Variants in DPP6 observed in about 807,000 individuals in gnomAD.
The protein encoded by DPP6 is A-type potassium channel modulatory protein DPP6.
DPP6 carries 69 observed loss-of-function variants against 122.6 expected under a neutral mutation model. The observed-to-expected ratio is 0.56, with a 90% CI of 0.46 to 0.69. The LOEUF (loss-of-function observed/expected upper bound fraction) is 0.69, where lower values mean the gene tolerates loss of function less well. DPP6 is among the 30% of genes least tolerant of loss of function. DPP6 has a pLI of 0.00. For missense variants in DPP6, 928 were observed against 1,116.9 expected (o/e 0.83, Z 2.41); for synonymous variants, 418 against 433.1 (o/e 0.97, Z 0.43).
chr7:153,986,331 AT>A (rs947230928), intron 1 of DPP6, among the ~76,000 whole-genome samples: 6 of 151,708 alleles, frequency 4.0e-5, no homozygotes, highest in African/African-American at 9.7e-5. Context: ...CTATCTTTCT[AT>A]TTTTTTTATG....
chr7:154,173,385 C>G lies in DPP6; in HGVS notation c.243+120322C>G, dbSNP rs918601314. On this transcript the variant is annotated intron_variant, in intron 1 of 25. Coordinates refer to ENST00000377770, the MANE Select transcript of DPP6 (RefSeq NM_130797.4). ...TAAAGGAAACAGTTTCGTGTAAGCC[C>G]TGGCTCCTCCCTCAGGGGCAGCTGG... Among the ~76,000 whole-genome samples the G allele has an allele frequency of 3.9e-5, 6 of 152,176 alleles. 1 individual carries two copies. Among genetic ancestry groups the G allele is most frequent in the African/African-American group, 1.2e-4 (5 of 41,432 alleles).
intron 1 of DPP6, among the ~76,000 whole-genome samples, chr7:154,358,997 C>T (rs1004326144): frequency 2.0e-5 from 3 of 152,130 alleles, no homozygotes; most frequent in Admixed American, 1.3e-4. Context: ...TGAGACACTG[C>T]GCCTGGCCAA....
chr7:154,063,242 C>T lies in DPP6; in HGVS notation c.243+10179C>T, dbSNP rs561353288. On this transcript the variant is annotated intron_variant, in intron 1 of 25. Transcript: ENST00000377770. ...GCGAGGCAGGGACTGAGAGCCAGCC[C>T]CTATTCCCCCACTGGCTCTTAGGAC... 2.1e-3 allele frequency among the ~76,000 whole-genome samples: 284 copies of T among 136,098 alleles called. 27 individuals carry two copies. The highest frequency in any genetic ancestry group is 6.0e-3 in the South Asian group (23 of 3,810). The allele number at this position is 136,098 out of a possible 152,430, so 89.3% of individuals were successfully genotyped here. A position where few individuals can be genotyped will look rare whatever the true frequency, so the allele number is the denominator to read the frequency against.
At chr7:154,872,749 C>A in intron 19 of DPP6, 56 bp downstream of exon 19, 2 of 1,557,862 alleles carry the variant, frequency 1.3e-6, no homozygotes, top group Non-Finnish European at 1.7e-6. Flanking sequence ...TCCGTGACAC[C>A]CATGATAAAG....
intron 1 of DPP6, among the ~76,000 whole-genome samples, chr7:154,440,177 G>A (rs534128611): frequency 6.6e-6 from 1 of 152,260 alleles, no homozygotes; most frequent in African/African-American, 2.4e-5. Flanking sequence ...GGGGAAGGTG[G>A]GATGACATCG....
chr7:154,262,435 C>T (rs868401266), intron 1 of DPP6, among the ~76,000 whole-genome samples: 1 of 152,066 alleles, frequency 6.6e-6, no homozygotes, highest in Non-Finnish European at 1.5e-5. Context: ...TGCACTGCCA[C>T]AGAGAAAAGA....
chr7:154,822,151 C>T (rs554156944), intron 16 of DPP6, among the ~76,000 whole-genome samples: 2 of 152,272 alleles, frequency 1.3e-5, no homozygotes, highest in South Asian at 2.1e-4. Context: ...TTTACAAATG[C>T]TGAGCTCCCA....
At chr7:154,650,658 A>T (rs1241124014) in intron 6 of DPP6, among the ~76,000 whole-genome samples, 3 of 152,182 alleles carry the variant, frequency 2.0e-5, no homozygotes, top group Non-Finnish European at 4.4e-5. Context: ...CAGCTCAGTC[A>T]CAGCACAGCG....
intron 1 of DPP6, among the ~76,000 whole-genome samples, chr7:154,194,044 G>T (rs1045060305): frequency 1.3e-5 from 2 of 152,150 alleles, no homozygotes; most frequent in Non-Finnish European, 2.9e-5. Flanking sequence ...TGGGTGACTC[G>T]TCAGAGAAGC....
At chr7:153,996,241 G>A (rs1047893056) in intron 1 of DPP6, among the ~76,000 whole-genome samples, 6 of 152,166 alleles carry the variant, frequency 3.9e-5, no homozygotes, top group African/African-American at 1.4e-4. Flanking sequence ...ATTTCACGTA[G>A]TATTGGCTTG....
chr7:154,132,992 C>A (rs1284092926), intron 1 of DPP6, among the ~76,000 whole-genome samples: 1 of 151,922 alleles, frequency 6.6e-6, no homozygotes, highest in African/African-American at 2.4e-5. Context: ...CCACTCCTTC[C>A]TTTGTGTTCT....
At chr7:154,281,019 A>C (rs951301281) in intron 1 of DPP6, among the ~76,000 whole-genome samples, 24 of 122,304 alleles carry the variant, frequency 2.0e-4, no homozygotes, top group African/African-American at 6.4e-4. Flanking sequence ...TTATTTATTT[A>C]TTTATTTTTT....
At chr7:153,868,487 C>T in the DPP6 span, among the ~76,000 whole-genome samples, 1 of 152,096 alleles carries the variant, frequency 6.6e-6, no homozygotes, top group African/African-American at 2.4e-5. Flanking sequence ...TCTGTGGGAT[C>T]GGTGGTGATA....
intron 17 of DPP6, among the ~76,000 whole-genome samples, chr7:154,861,561 G>A (rs1194702159): frequency 2.6e-5 from 4 of 152,064 alleles, no homozygotes; most frequent in Non-Finnish European, 4.4e-5. Context: ...TATTTTAAAG[G>A]TCTTTTCTTT....
Position 154,462,732 on chromosome 7 carries a change from G to A in DPP6, c.359-12207G>A, listed in dbSNP as rs935433217. Among the ~76,000 whole-genome samples the A allele has an allele frequency of 3.9e-5, 6 of 151,906 alleles. No homozygotes were observed. In the East Asian group the frequency reaches 1.2e-3, roughly 29 times the overall value. Reference sequence around the variant, plus strand: ...TGTTACATATGTATACATGTGCCATGCTGGTGTGTTGCACCCATCAACCCG... The same window carrying A: ...TGTTACATATGTATACATGTGCCATACTGGTGTGTTGCACCCATCAACCCG... On this transcript the variant is annotated intron_variant, in intron 2 of 25. Transcript: ENST00000377770.
At chr7:154,699,905 G>A (rs1474789317) in intron 7 of DPP6, among the ~76,000 whole-genome samples, 2 of 152,176 alleles carry the variant, frequency 1.3e-5, no homozygotes, top group Non-Finnish European at 2.9e-5. Flanking sequence ...TCAGAGTGTG[G>A]GCTCTGGAGT....
chr7:153,777,929 T>C, the DPP6 span, among the ~76,000 whole-genome samples: 6 of 147,182 alleles, frequency 4.1e-5, no homozygotes, highest in Admixed American at 4.0e-4. Flanking sequence ...GGAACTCAAA[T>C]GGAATACGAA....
chr7:154,057,459 CA>C (rs1800945059), intron 1 of DPP6: 2 of 157,986 alleles, frequency 1.3e-5, no homozygotes, highest in African/African-American at 5.0e-5. Context: ...ATGAGGTGTT[CA>C]AGAAGAAAGC....
intron 10 of DPP6, among the ~76,000 whole-genome samples, chr7:154,780,852 A>G (rs879412863): frequency 1.3e-5 from 2 of 152,140 alleles, no homozygotes; most frequent in Non-Finnish European, 1.5e-5. Context: ...GAATAGATGG[A>G]TGGGTGATGG....
Sources: allele counts gnomAD v4.1 joint callset (sites outside exome capture counted in the v4.1 genomes callset), GRCh38; gene constraint gnomAD v4.1.1; transcripts MANE v1.5; gene names NCBI Gene and HGNC (gene_info 2026-07-23, HGNC 2026-07-21).